Variants in B3GAT2 observed in about 807,000 individuals in gnomAD.
The protein encoded by B3GAT2 is galactosylgalactosylxylosylprotein 3-beta-glucuronosyltransferase 2.
B3GAT2 carries 26 observed loss-of-function variants against 27.8 expected under a neutral mutation model. That is an observed-to-expected ratio of 0.93 (90% CI 0.68 to 1.30). The LOEUF (loss-of-function observed/expected upper bound fraction) is 1.30. Ranked by LOEUF, B3GAT2 falls within the 50% of genes most tolerant of loss-of-function variation. The pLI is 0.00. For missense variants in B3GAT2, 458 were observed against 459.0 expected (o/e 1.00, Z 0.02); for synonymous variants, 218 against 195.1 (o/e 1.12, Z -0.98).
intron 2 of B3GAT2, among the ~76,000 whole-genome samples, chr6:70,889,187 A>G (rs1027396503): frequency 6.6e-6 from 1 of 152,132 alleles, no homozygotes; most frequent in Non-Finnish European, 1.5e-5. Context: ...AGGTGACTCT[A>G]TCTAGGTGAA....
At chr6:70,881,843 C>T (rs989048265) in intron 2 of B3GAT2, among the ~76,000 whole-genome samples, 8 of 152,308 alleles carry the variant, frequency 5.3e-5, no homozygotes, top group Admixed American at 2.0e-4. Context: ...TGATCCCCCT[C>T]CTCTGTCTGT....
chr6:70,918,584 GGCCT>G (rs1335393461), intron 1 of B3GAT2, among the ~76,000 whole-genome samples: 4 of 152,170 alleles, frequency 2.6e-5, no homozygotes, highest in Non-Finnish European at 4.4e-5. Context: ...TTGTAAGGCA[GGCCT>G]GGTGGTGACA....
chr6:70,953,753 T>A (rs997154255), intron 1 of B3GAT2, among the ~76,000 whole-genome samples: 2 of 152,242 alleles, frequency 1.3e-5, no homozygotes, highest in African/African-American at 2.4e-5. Flanking sequence ...AAAAGTTTAG[T>A]GTCTTGAAAG....
At chr6:70,923,298 T>G (rs1562229960) in intron 1 of B3GAT2, among the ~76,000 whole-genome samples, 1 of 152,202 alleles carries the variant, frequency 6.6e-6, no homozygotes, top group Non-Finnish European at 1.5e-5. Flanking sequence ...AAATAAGGGC[T>G]GCCCTTCTTT....
At position 70,897,536 on chromosome 6, in the gene B3GAT2, C is replaced by T. The variant is rs561208638; in HGVS notation, c.592-3264G>A. 2.6e-5 allele frequency among the ~76,000 whole-genome samples: 4 copies of T among 151,448 alleles called. No homozygotes were observed. The South Asian group carries it at 6.3e-4, about 24-fold the overall frequency. ...GGCGGATCACTTGAGGTCAGGAGTT[C>T]GAGACCAGCCTGGCCAACATGGTGA... On this transcript the variant is annotated intron_variant, in intron 1 of 3. Coordinates refer to ENST00000230053, the MANE Select transcript of B3GAT2 (RefSeq NM_080742.3).
At position 70,902,631 on chromosome 6, in the gene B3GAT2, T is replaced by TACACAC. The variant is rs1182910631; in HGVS notation, c.592-8360_592-8359insGTGTGT. ...TAAGAAAATGGGATATATATATATA[T>TACACAC]ATATATACACACACACACACACACA... On this transcript the variant is annotated intron_variant, in intron 1 of 3. Coordinates refer to ENST00000230053, the MANE Select transcript of B3GAT2 (RefSeq NM_080742.3). Among the ~76,000 whole-genome samples the TACACAC allele has an allele frequency of 2.2e-3, 319 of 142,576 alleles. 1 individual carries two copies. The highest frequency in any genetic ancestry group is 7.9e-3 in the African/African-American group (287 of 36,248). 93.5% of individuals were successfully genotyped at this position (142,576 alleles called of 152,430 possible). A position where few individuals can be genotyped will look rare whatever the true frequency, so the allele number is the denominator to read the frequency against.
intron 2 of B3GAT2, among the ~76,000 whole-genome samples, chr6:70,862,273 G>A (rs1447004602): frequency 6.6e-6 from 1 of 152,132 alleles, no homozygotes; most frequent in African/African-American, 2.4e-5. Flanking sequence ...GTTTCACAGT[G>A]ATCATCAACC....
rs559860799 is a variant in B3GAT2 at position 70,944,431 on chromosome 6, C to T, written c.591+11408G>A. Among the ~76,000 whole-genome samples the T allele has an allele frequency of 1.6e-3, 71 of 43,630 alleles. 1 individual carries two copies. The highest frequency in any genetic ancestry group is 6.7e-3 in the African/African-American group (64 of 9,514). The allele number at this position is 43,630 out of a possible 152,430, so 28.6% of individuals were successfully genotyped here. A position where few individuals can be genotyped will look rare whatever the true frequency, so the allele number is the denominator to read the frequency against. ...GCGCACCAGGAGATTATATCCCACA[C>T]ATGGCGCCCACGGAGTCTCGCTGAT... On this transcript the variant is annotated intron_variant, in intron 1 of 3. Transcript: ENST00000230053.
intron 1 of B3GAT2, among the ~76,000 whole-genome samples, chr6:70,924,085 C>A (rs949093517): frequency 5.9e-5 from 9 of 152,132 alleles, no homozygotes; most frequent in Non-Finnish European, 1.2e-4. Context: ...CACCACTATA[C>A]AATCTATACA....
intron 1 of B3GAT2, among the ~76,000 whole-genome samples, chr6:70,934,854 C>A (rs915196363): frequency 1.3e-5 from 2 of 152,142 alleles, no homozygotes; most frequent in African/African-American, 4.8e-5. Context: ...CCATCCATGT[C>A]ACTAAGAAAT....
intron 1 of B3GAT2, among the ~76,000 whole-genome samples, chr6:70,914,899 A>G (rs1251495018): frequency 1.3e-5 from 2 of 152,222 alleles, no homozygotes; most frequent in Non-Finnish European, 2.9e-5. Flanking sequence ...AGAATGCTTT[A>G]TAATCCTTTG....
At chr6:70,925,351 A>G (rs955108912) in intron 1 of B3GAT2, among the ~76,000 whole-genome samples, 1 of 152,026 alleles carries the variant, frequency 6.6e-6, no homozygotes, top group African/African-American at 2.4e-5. Context: ...GCGGGGCATC[A>G]CCTCACCCTG....
Position 70,859,573 on chromosome 6 carries a change from G to A in B3GAT2, c.*2090C>T, listed in dbSNP as rs1324886814. 3 of 463,772 alleles carry A rather than the reference G, an allele frequency of 6.5e-6. No individual in the cohort carries two copies. In the East Asian group the frequency reaches 1.1e-4, roughly 17 times the overall value. 28.7% of individuals were successfully genotyped at this position (463,772 alleles called of 1,614,324 possible). A position where few individuals can be genotyped will look rare whatever the true frequency, so the allele number is the denominator to read the frequency against. On this transcript the variant is annotated 3_prime_UTR_variant, in exon 4 of 4. Transcript: ENST00000230053. The stretch of plus-strand genomic sequence containing the variant: ...AAGTTTTAAACCCACTCACTATATG[G>A]TAAATCTTGCCTTTCCTTCTCTTAT...
At chr6:70,937,315 C>T (rs1329714296) in intron 1 of B3GAT2, among the ~76,000 whole-genome samples, 7 of 150,744 alleles carry the variant, frequency 4.6e-5, no homozygotes, top group African/African-American at 1.7e-4. Flanking sequence ...CCGAATTCTA[C>T]CAGAGGTACA....
intron 2 of B3GAT2, among the ~76,000 whole-genome samples, chr6:70,874,678 C>A (rs1771985640): frequency 6.6e-6 from 1 of 152,136 alleles, no homozygotes. Flanking sequence ...TGATGGTAAA[C>A]AATCACCACA....
intron 1 of B3GAT2, among the ~76,000 whole-genome samples, chr6:70,926,787 CA>C (rs556058551): frequency 0.015 from 2,237 of 152,284 alleles, 19 homozygotes; most frequent in Non-Finnish European, 0.023. Context: ...CCCAACCTAG[CA>C]AGGCAGGCCA....
At chr6:70,897,502 G>A (rs1772407710) in intron 1 of B3GAT2, among the ~76,000 whole-genome samples, 1 of 151,650 alleles carries the variant, frequency 6.6e-6, no homozygotes, top group East Asian at 1.9e-4. Flanking sequence ...ACTTTGGGAG[G>A]TCGAGGTGGG....
Position 70,856,901 on chromosome 6 carries a change from A to G in B3GAT2, c.*4762T>C. 5 of 1,613,794 alleles carry G rather than the reference A, an allele frequency of 3.1e-6. No individual in the cohort carries two copies. The highest frequency in any genetic ancestry group is 1.3e-5 in the African/African-American group (1 of 75,052). ...AGCAGCTGCAACCCTGTCTACAGTA[A>G]CATCTGGGGATCTAGATTTATTCAC... On this transcript the variant is annotated 3_prime_UTR_variant, in exon 4 of 4. Coordinates refer to ENST00000230053, the MANE Select transcript of B3GAT2 (RefSeq NM_080742.3).
chr6:70,876,670 T>C (rs78772850), intron 2 of B3GAT2, among the ~76,000 whole-genome samples: 4,471 of 152,256 alleles, frequency 0.029, 247 homozygotes, highest in African/African-American at 0.1. Context: ...CTAAAGGATG[T>C]TATCTTTCAT....
Sources: allele counts gnomAD v4.1 joint callset (sites outside exome capture counted in the v4.1 genomes callset), GRCh38; gene constraint gnomAD v4.1.1; transcripts MANE v1.5; gene names NCBI Gene and HGNC (gene_info 2026-07-23, HGNC 2026-07-21).